The following DNAH2 variants were observed in gnomAD, a reference collection of about 807,000 sequenced individuals.
The protein encoded by DNAH2 is dynein axonemal heavy chain 2, also known as axonemal beta dynein heavy chain 2.
In DNAH2, 323 loss-of-function variants were observed where a neutral mutation model predicts 523.5. The observed-to-expected ratio is 0.62, with a 90% CI of 0.56 to 0.68. The LOEUF is 0.68. DNAH2 is among the 30% of genes least tolerant of loss of function. The probability of loss-of-function intolerance (pLI) is 0.00; values close to 1 mark genes in which losing one functional copy is unlikely to be tolerated. For synonymous variants in DNAH2, 2,093 were observed against 2,177.4 expected, an observed-to-expected ratio of 0.96 and a Z score of 1.08; for missense variants, 4,907 against 5,701.5, an observed-to-expected ratio of 0.86 and a Z score of 4.49.
At chr17:7,782,931 G>T (rs980338248) in intron 39 of DNAH2, among the ~76,000 whole-genome samples, 27 of 152,188 alleles carry the variant, frequency 1.8e-4, no homozygotes, top group African/African-American at 6.3e-4. Context: ...GGAAACAAAA[G>T]ATTTGGTGCA....
intron 8 of DNAH2, among the ~76,000 whole-genome samples, chr17:7,737,659 C>T (rs1179039998): frequency 6.6e-6 from 1 of 152,172 alleles, no homozygotes; most frequent in Non-Finnish European, 1.5e-5. Context: ...GGAGCAGGGC[C>T]TGGTGCATTC....
chr17:7,751,493 T>C (rs2075681931), intron 12 of DNAH2, among the ~76,000 whole-genome samples: 1 of 152,222 alleles, frequency 6.6e-6, no homozygotes, highest in African/African-American at 2.4e-5. Context: ...ATTTGAAATT[T>C]ATTTTGGTGT....
At chr17:7,734,415 T>C (rs1567612631) in intron 6 of DNAH2, 55 bp from the exon 7 acceptor site, 2 of 1,603,734 alleles carry the variant, frequency 1.2e-6, no homozygotes, top group South Asian at 1.1e-5. Context: ...GAGTGAAGGA[T>C]GCTGTTGGGA....
chr17:7,820,988 G>A (rs924078945), intron 72 of DNAH2, among the ~76,000 whole-genome samples: 1 of 152,098 alleles, frequency 6.6e-6, no homozygotes, highest in Non-Finnish European at 1.5e-5. Context: ...GCAGTGTGTC[G>A]AGATCGTACC....
At chr17:7,728,119 T>A (rs778180028) in intron 4 of DNAH2, among the ~76,000 whole-genome samples, 1 of 152,196 alleles carries the variant, frequency 6.6e-6, no homozygotes, top group Admixed American at 6.6e-5. Context: ...GCTATTGAAG[T>A]CTTTTATAGT....
chr17:7,811,447 T>C (rs2077514884), intron 63 of DNAH2, among the ~76,000 whole-genome samples: 1 of 152,208 alleles, frequency 6.6e-6, no homozygotes, highest in Admixed American at 6.5e-5. Flanking sequence ...CCTCCCCAAC[T>C]TCCTGTTCTG....
intron 12 of DNAH2, among the ~76,000 whole-genome samples, chr17:7,744,397 T>C (rs1431816673): frequency 6.6e-6 from 1 of 151,242 alleles, no homozygotes; most frequent in Non-Finnish European, 1.5e-5. Flanking sequence ...CAGATGAGAC[T>C]GTGAGTGTTT....
At chr17:7,822,498 A>G (rs1032697321) in intron 73 of DNAH2, among the ~76,000 whole-genome samples, 6 of 152,072 alleles carry the variant, frequency 3.9e-5, no homozygotes, top group Admixed American at 3.3e-4. Context: ...CCTCACCTCA[A>G]TGCGACCTTG....
At position 7,758,542 on chromosome 17, in the gene DNAH2, G is replaced by A. The variant is rs368319423; in HGVS notation, c.2099G>A (p.Arg700His). 1.9e-5 allele frequency: 30 copies of A among 1,614,124 alleles called. No individual in the cohort carries two copies. The Middle Eastern group carries it at 4.9e-4, about 27-fold the overall frequency. Reference sequence around the variant, plus strand: ...GATGAGCAGGCCCTATTCAAAGAGCGTATTCGGCTCCTGGATAAGAAGATC... The same window carrying A: ...GATGAGCAGGCCCTATTCAAAGAGCATATTCGGCTCCTGGATAAGAAGATC... ...SPDEQALFKE[R>H]IRLLDKKIHP... The change falls in exon 14 of 86, where the codon CGT (arginine) becomes CAT (histidine). Residue 700 changes from arginine to histidine, a missense_variant. Physicochemically the swap from Arg to His is conservative, Grantham distance 29 (BLOSUM62 0). Transcript: ENST00000572933.
At chr17:7,749,306 CCCAAAAAAAAAAAAAAAAAAAAA>C (rs1567636682) in intron 12 of DNAH2, among the ~76,000 whole-genome samples, 10 of 3,504 alleles carry the variant, frequency 2.9e-3, no homozygotes, top group Non-Finnish European at 3.6e-3. Context: ...TAAACTCCCC[CCCAAAAAAAAAAAAAAAAAAAAA>C]AAAAAAAAAA....
intron 63 of DNAH2, among the ~76,000 whole-genome samples, chr17:7,816,191 G>C (rs564530478): frequency 6.6e-6 from 1 of 152,210 alleles, no homozygotes; most frequent in African/African-American, 2.4e-5. Flanking sequence ...CTTAGGTATG[G>C]CCTCTGGCAT....
rs969580533 is a variant in DNAH2, at chr17:7,734,671, A to G, written c.941A>G (p.Tyr314Cys). The part of the protein sequence containing the change: ...ESILHLAKSS[Y>C]LAPFMKLAQQ... ...ATCCTGCACCTTGCCAAGTCGTCCT[A>G]CTTGGCGCCCTTTATGAAACTGGCA... is the stretch of plus-strand genomic sequence containing the variant. The change falls in exon 7 of 86, where the codon TAC becomes TGC. Residue 314 changes from tyrosine (Y) to cysteine (C), a missense_variant. Physicochemically the swap from Tyr to Cys is radical, Grantham distance 194. Around this residue, in one of 3 missense-constraint regions of DNAH2, gnomAD observed 2,806 missense variants for 3,190.8 expected, o/e 0.88. Transcript: ENST00000572933. 1.2e-6 allele frequency: 2 copies of G among 1,612,788 alleles called. No homozygotes were observed. The highest frequency in any genetic ancestry group is 1.3e-5 in the African/African-American group (1 of 74,522).
Position 7,801,794 on chromosome 17 carries a change from C to T in DNAH2, c.8832+84C>T, listed in dbSNP as rs2077231410. The T allele has an allele frequency of 3.7e-6, 6 of 1,608,978 alleles. No homozygotes were observed. In the South Asian group the frequency reaches 6.6e-5, roughly 18 times the overall value. On this transcript the variant is annotated intron_variant, in intron 57 of 85. Coordinates refer to ENST00000572933, the MANE Select transcript of DNAH2 (RefSeq NM_020877.5). ...ATCTCTCATCGCACCCCCGGCCTCT[C>T]TCCTTCCCGCCTCTCATCGCACTCC...
rs537276849 is a variant in DNAH2, at chr17:7,821,358, C to G, written c.11131C>G (p.Arg3711Gly). ...LNMDEYNFFLRGGVVLDREGQ... is the reference protein window; with the variant it reads ...LNMDEYNFFLGGGVVLDREGQ... Reference sequence around the variant, plus strand: ...CATGGATGAATACAACTTCTTTCTACGTGGGGGTGTGGTGAGTTGGGCAGA... The same window carrying G: ...CATGGATGAATACAACTTCTTTCTAGGTGGGGGTGTGGTGAGTTGGGCAGA... Residue 3711 changes from arginine (R) to glycine (G), a missense_variant, in exon 73 of 86, where the codon CGT becomes GGT. Physicochemically the swap from Arg to Gly is moderately radical, Grantham distance 125. Around this residue, in one of 3 missense-constraint regions of DNAH2, gnomAD observed 1,851 missense variants for 2,139.4 expected, o/e 0.87. Coordinates refer to ENST00000572933, the MANE Select transcript of DNAH2 (RefSeq NM_020877.5). The surrounding 1 kb of genome is among the most constrained non-coding windows in gnomAD (Gnocchi z 5.0). 3 of 1,612,944 alleles carry G rather than the reference C, an allele frequency of 1.9e-6. No individual in the cohort carries two copies. Among genetic ancestry groups the G allele is most frequent in the Admixed American group, 1.7e-5 (1 of 59,940 alleles).
chr17:7,817,596 C>A lies in DNAH2; in HGVS notation c.10056C>A (p.Phe3352Leu). ...WELQVPCSPS[F>L]AIDNFLCNPT... ...TTCAGGTTCCTTGCTCCCCTTCTTTCGCCATCGATAACTTCCTGTGCAATC... is the reference window on the plus strand; with the variant it reads ...TTCAGGTTCCTTGCTCCCCTTCTTTAGCCATCGATAACTTCCTGTGCAATC... The change falls in exon 66 of 86, where the codon TTC becomes TTA. Residue 3352 changes from phenylalanine to leucine, a missense_variant. Transcript: ENST00000572933. 1.2e-6 allele frequency: 2 copies of A among 1,614,176 alleles called. No homozygotes were observed. Among genetic ancestry groups the A allele is most frequent in the Non-Finnish European group, 1.7e-6 (2 of 1,180,026 alleles).
intron 72 of DNAH2, 121 bp downstream of exon 72, chr17:7,819,529 G>A: frequency 3.0e-6 from 3 of 988,214 alleles, no homozygotes; most frequent in Non-Finnish European, 4.6e-6. Context: ...CTTGGCATAT[G>A]TCCTCCTGGT....
Position 7,774,877 on chromosome 17 carries a change from T to G in DNAH2, c.4620T>G (p.Asp1540Glu), listed in dbSNP as rs145771468. 1 of 1,614,142 alleles carries G rather than the reference T, an allele frequency of 6.2e-7. No homozygotes were observed. The highest frequency in any genetic ancestry group is 1.3e-5 in the African/African-American group (1 of 74,952). ...IFPRFYFLSN[D>E]DLLEILGQSR... is the part of the protein sequence containing the mutation. The stretch of plus-strand genomic sequence containing the variant: ...CCCGCTTCTACTTCTTGTCCAATGA[T>G]GACCTGCTGGAGATTCTGGGCCAGT... Residue 1540 changes from aspartate to glutamate, a missense_variant, in exon 29 of 86, where the codon GAT becomes GAG. Transcript: ENST00000572933.
At position 7,754,568 on chromosome 17, in the gene DNAH2, T is replaced by C; in HGVS notation, c.1905-2523T>C. The C allele has an allele frequency of 3.4e-6, 5 of 1,461,440 alleles. No homozygotes were observed. The highest frequency in any genetic ancestry group is 4.5e-5 in the East Asian group (2 of 44,100). 90.5% of individuals were successfully genotyped at this position (1,461,440 alleles called of 1,614,324 possible). ...GCCTAAAGAAGATGCACACCAACAA[T>C]GCCAAGGCCATGAGTCCACGTGCCG... On this transcript the variant is annotated intron_variant, in intron 12 of 85. Transcript: ENST00000572933. This position sits in a 1 kb window ranked among gnomAD's most constrained non-coding sequence, Gnocchi z 4.6.
rs1055594641 is a variant in DNAH2, at chr17:7,754,977, AAAAAG to A, written c.1905-2111_1905-2107del. ...ATAAGCCTGAGGCAGAAAAAAAAAA[AAAAAG>A]AATAGGCAGCCCAGGAAGAAGGGTT... On this transcript the variant is annotated intron_variant, in intron 12 of 85. Transcript: ENST00000572933. The surrounding 1 kb of genome is among the most constrained non-coding windows in gnomAD (Gnocchi z 4.6). The A allele has an allele frequency of 2.4e-6, 1 of 408,848 alleles. No homozygotes were observed. The highest frequency in any genetic ancestry group is 4.3e-6 in the Non-Finnish European group (1 of 230,584). The allele number at this position is 408,848 out of a possible 1,614,324, so 25.3% of individuals were successfully genotyped here. A position where few individuals can be genotyped will look rare whatever the true frequency, so the allele number is the denominator to read the frequency against.
Sources: gnomAD v4.1 joint callset for allele counts (sites outside exome capture counted in the v4.1 genomes callset) on GRCh38, gnomAD v4.1.1 for gene constraint, gnomAD v4.1.1 regional missense constraint, Gnocchi (gnomAD v3.1) non-coding constraint, MANE v1.5 for transcripts, NCBI Gene and HGNC (gene_info 2026-07-23, HGNC 2026-07-21) for gene names.